COL8A1: variants seen among roughly 807,000 people sequenced by gnomAD.
COL8A1 encodes collagen alpha-1(VIII) chain.
In COL8A1, 21 loss-of-function variants were observed where a neutral mutation model predicts 42.7. The observed-to-expected ratio is 0.49, with a 90% CI of 0.35 to 0.71. The LOEUF (loss-of-function observed/expected upper bound fraction) is 0.71. Among genes scored for constraint, COL8A1 ranks in the 30% least tolerant of loss-of-function variants. The probability of loss-of-function intolerance (pLI) is 0.01; values close to 1 mark genes in which losing one functional copy is unlikely to be tolerated. For synonymous variants in COL8A1, 367 were observed against 369.1 expected (o/e 0.99, Z 0.06); for missense variants, 788 against 962.4 (o/e 0.82, Z 2.40).
intron 1 of COL8A1, among the ~76,000 whole-genome samples, chr3:99,661,717 T>A (rs948189803): frequency 1.8e-4 from 28 of 152,304 alleles, no homozygotes; most frequent in African/African-American, 6.5e-4. Context: ...GTAGAAGCAA[T>A]GCAAATATTC....
chr3:99,747,054 G>A (rs549479800), intron 2 of COL8A1, among the ~76,000 whole-genome samples: 10 of 152,216 alleles, frequency 6.6e-5, no homozygotes, highest in African/African-American at 2.2e-4. Context: ...TGAACACCAT[G>A]ATAGGCATAC....
At chr3:99,666,146 C>T (rs1642684690) in intron 1 of COL8A1, among the ~76,000 whole-genome samples, 1 of 152,132 alleles carries the variant, frequency 6.6e-6, no homozygotes, top group African/African-American at 2.4e-5. Context: ...ATCTAAACCC[C>T]ACTCTGAACC....
At chr3:99,737,934 C>A (rs1407075411) in intron 1 of COL8A1, among the ~76,000 whole-genome samples, 1 of 151,272 alleles carries the variant, frequency 6.6e-6, no homozygotes, top group East Asian at 1.9e-4. Flanking sequence ...TCTTTTTATT[C>A]TTTTTTCTCT....
intron 1 of COL8A1, among the ~76,000 whole-genome samples, chr3:99,664,766 C>T (rs1938312918): frequency 6.6e-6 from 1 of 152,188 alleles, no homozygotes; most frequent in African/African-American, 2.4e-5. Context: ...TTTCCATCGA[C>T]TGAAGAATCT....
chr3:99,664,041 G>T lies in COL8A1; in HGVS notation c.-129+25377G>T, dbSNP rs183936185. ...ACCCTAGTTACCAAATACTCAGTGT[G>T]CATAACAGCAACGTTAGCACTGAGT... On this transcript the variant is annotated intron_variant, in intron 1 of 3. Transcript: ENST00000652472. 1.8e-4 allele frequency among the ~76,000 whole-genome samples: 27 copies of T among 152,270 alleles called. No homozygotes were observed. In the East Asian group the frequency reaches 5.0e-3, roughly 28 times the overall value.
chr3:99,734,267 G>A (rs1226955678), intron 1 of COL8A1, among the ~76,000 whole-genome samples: 6 of 139,642 alleles, frequency 4.3e-5, no homozygotes, highest in Non-Finnish European at 9.2e-5. Flanking sequence ...TTCTTCTAGG[G>A]TTTTTAGGGT....
At chr3:99,774,868 A>C (rs1337891927) in intron 2 of COL8A1, among the ~76,000 whole-genome samples, 1 of 152,190 alleles carries the variant, frequency 6.6e-6, no homozygotes, top group Non-Finnish European at 1.5e-5. Context: ...AGGTGAAAGC[A>C]TTTCTCTGCA....
At chr3:99,787,432 G>T (rs1225366076) in intron 2 of COL8A1, among the ~76,000 whole-genome samples, 1 of 152,034 alleles carries the variant, frequency 6.6e-6, no homozygotes, top group Non-Finnish European at 1.5e-5. Flanking sequence ...TTCATGTTAG[G>T]TTATCATTAT....
chr3:99,778,848 G>T (rs1002160824), intron 2 of COL8A1, among the ~76,000 whole-genome samples: 1 of 152,122 alleles, frequency 6.6e-6, no homozygotes, highest in Non-Finnish European at 1.5e-5. Context: ...GGATGAAAAT[G>T]GTGCCATTTG....
chr3:99,681,222 A>T (rs1227161554), intron 1 of COL8A1, among the ~76,000 whole-genome samples: 7 of 152,180 alleles, frequency 4.6e-5, no homozygotes. Flanking sequence ...ATGGGAGAAA[A>T]TTTTTACAAT....
At chr3:99,738,510 G>T (rs1341471315) in intron 1 of COL8A1, among the ~76,000 whole-genome samples, 6 of 152,210 alleles carry the variant, frequency 3.9e-5, no homozygotes, top group African/African-American at 9.6e-5. Context: ...TGCCCCTGCT[G>T]GGGGTGCCTC....
intron 1 of COL8A1, among the ~76,000 whole-genome samples, chr3:99,737,623 A>G (rs1040985175): frequency 6.6e-6 from 1 of 152,016 alleles, no homozygotes; most frequent in Non-Finnish European, 1.5e-5. Flanking sequence ...CTTCCCTTTG[A>G]GGGTAACCCG....
chr3:99,684,888 A>G (rs913045158), intron 1 of COL8A1, among the ~76,000 whole-genome samples: 4 of 152,192 alleles, frequency 2.6e-5, no homozygotes, highest in African/African-American at 7.2e-5. Context: ...GCATGACTGA[A>G]TTATCATCCT....
At chr3:99,650,747 G>A (rs1937819398) in intron 1 of COL8A1, among the ~76,000 whole-genome samples, 1 of 151,994 alleles carries the variant, frequency 6.6e-6, no homozygotes, top group South Asian at 2.1e-4. Flanking sequence ...ATGAGGTACT[G>A]GATTTTTTAC....
intron 1 of COL8A1, among the ~76,000 whole-genome samples, chr3:99,743,053 T>C (rs1006089065): frequency 1.3e-5 from 2 of 152,328 alleles, no homozygotes; most frequent in Middle Eastern, 3.4e-3. Flanking sequence ...TATTGAAGAA[T>C]GATATAAGAG....
rs945108600 is a variant in COL8A1, at chr3:99,674,444, T to A, written c.-129+35780T>A. 9.6e-4 allele frequency among the ~76,000 whole-genome samples: 138 copies of A among 143,058 alleles called. No individual in the cohort carries two copies. The East Asian group carries it at 0.016, about 17-fold the overall frequency. The allele number at this position is 143,058 out of a possible 152,430, so 93.9% of individuals were successfully genotyped here. On this transcript the variant is annotated intron_variant, in intron 1 of 3. Coordinates refer to ENST00000652472, the MANE Select transcript of COL8A1 (RefSeq NM_020351.4). ...AGATAAAGTGTATTGTCTCCTTTTT[T>A]AAAAAAAAAAAAGCCTTGAAGGTGT... is the stretch of plus-strand genomic sequence containing the variant.
At chr3:99,645,551 C>T (rs976863677) in intron 1 of COL8A1, among the ~76,000 whole-genome samples, 4 of 152,110 alleles carry the variant, frequency 2.6e-5, no homozygotes, top group Non-Finnish European at 1.5e-5. Flanking sequence ...GAGCCAGGGG[C>T]TGGGTGTCTC....
chr3:99,742,925 T>C (rs946948744), intron 1 of COL8A1, among the ~76,000 whole-genome samples: 4 of 152,230 alleles, frequency 2.6e-5, no homozygotes, highest in Non-Finnish European at 4.4e-5. Flanking sequence ...AAAAAAATCT[T>C]ATTGTCTAAT....
At chr3:99,741,688 G>A (rs906754410) in intron 1 of COL8A1, among the ~76,000 whole-genome samples, 26 of 152,154 alleles carry the variant, frequency 1.7e-4, no homozygotes, top group Non-Finnish European at 8.8e-5. Context: ...CTTCTCCTGC[G>A]TAGTGGTCTC....
Sources: allele counts gnomAD v4.1 joint callset (sites outside exome capture counted in the v4.1 genomes callset), GRCh38; gene constraint gnomAD v4.1.1; transcripts MANE v1.5; gene names NCBI Gene and HGNC (gene_info 2026-07-23, HGNC 2026-07-21).